Variants in BCKDHA observed in about 807,000 individuals in gnomAD.
BCKDHA encodes the protein 2-oxoisovalerate dehydrogenase subunit alpha, mitochondrial.
BCKDHA carries 43 observed loss-of-function variants against 52.2 expected under a neutral mutation model. The observed-to-expected ratio is 0.82, with a 90% CI of 0.64 to 1.06. The LOEUF is 1.06. BCKDHA is among the 50% of genes least tolerant of loss of function. The pLI is 0.00. For missense variants in BCKDHA, 527 were observed against 621.3 expected, an observed-to-expected ratio of 0.85 and a Z score of 1.61; for synonymous variants, 234 against 247.9, an observed-to-expected ratio of 0.94 and a Z score of 0.53.
intron 3 of BCKDHA, among the ~76,000 whole-genome samples, chr19:41,412,922 T>C (rs1037758336): frequency 6.6e-6 from 1 of 152,142 alleles, no homozygotes; most frequent in Non-Finnish European, 1.5e-5. Context: ...CAGGCTAGTC[T>C]GGAACTCCTG....
At chr19:41,420,759 C>A (rs1199181600) in intron 5 of BCKDHA, among the ~76,000 whole-genome samples, 1 of 152,204 alleles carries the variant, frequency 6.6e-6, no homozygotes, top group Non-Finnish European at 1.5e-5. Context: ...AGTAAGCTTC[C>A]CCAAAGCTTA....
intron 1 of BCKDHA, among the ~76,000 whole-genome samples, chr19:41,398,810 G>C (rs1004427038): frequency 2.3e-5 from 3 of 132,892 alleles, no homozygotes; most frequent in African/African-American, 9.4e-5. Flanking sequence ...TCCTTGCTCT[G>C]CCGCTTTCCA....
intron 1 of BCKDHA, among the ~76,000 whole-genome samples, chr19:41,408,362 C>A (rs2039216038): frequency 6.6e-6 from 1 of 151,954 alleles, no homozygotes; most frequent in Non-Finnish European, 1.5e-5. Context: ...AGATAATCAA[C>A]CTCACAAATT....
chr19:41,415,272 C>G (rs749175361), intron 4 of BCKDHA: 1 of 152,392 alleles, frequency 6.6e-6, no homozygotes, highest in Non-Finnish European at 1.5e-5. Flanking sequence ...GCAAGCTGGG[C>G]CCCCGCCAGC....
intron 1 of BCKDHA, among the ~76,000 whole-genome samples, chr19:41,403,937 T>TA (rs1316979078): frequency 4.6e-5 from 7 of 152,244 alleles, no homozygotes; most frequent in Non-Finnish European, 7.3e-5. Context: ...CGTTTTTTTT[T>TA]ATTTTAAAAT....
Position 41,402,869 on chromosome 19 carries a change from G to T in BCKDHA, c.108+4934G>T, listed in dbSNP as rs10411013. Among the ~76,000 whole-genome samples, 630 of 152,224 alleles carry T rather than the reference G, an allele frequency of 4.1e-3. 4 individuals carry two copies. The highest frequency in any genetic ancestry group is 0.014 in the African/African-American group (576 of 41,532). On this transcript the variant is annotated intron_variant, in intron 1 of 8. Coordinates refer to ENST00000269980, the MANE Select transcript of BCKDHA (RefSeq NM_000709.4). ...TTGGCCAGGCTGGTCTCGAACTCCT[G>T]GCCTCAACTGATCCACCCACCTCAG...
intron 5 of BCKDHA, among the ~76,000 whole-genome samples, chr19:41,420,840 T>C (rs749831167): frequency 2.6e-5 from 4 of 152,242 alleles, no homozygotes; most frequent in Non-Finnish European, 4.4e-5. Flanking sequence ...GTGCCAGGCC[T>C]GCACCCTCAT....
chr19:41,422,782 TC>T lies in BCKDHA; in HGVS notation c.995+18del, dbSNP rs753093318. The T allele has an allele frequency of 6.2e-7, 1 of 1,611,942 alleles. No individual in the cohort carries two copies. ...GCCATGACCTACAGGTGCCTGCCGC[TC>T]CCCCCGTCAGCACCCCCACAGCACT... is the stretch of plus-strand genomic sequence containing the variant. On this transcript the variant is annotated intron_variant, in intron 7 of 8. Transcript: ENST00000269980.
At chr19:41,403,035 C>T (rs1391330416) in intron 1 of BCKDHA, among the ~76,000 whole-genome samples, 2 of 152,144 alleles carry the variant, frequency 1.3e-5, no homozygotes, top group Non-Finnish European at 2.9e-5. Flanking sequence ...ACCTGGTGGC[C>T]TTTGTAGGTA....
rs150173947 is a variant in BCKDHA at position 41,424,742 on chromosome 19, C to A, written c.*134C>A. ...CCTCTAAAATACTCAGCGGCCAGGGCGGCTGCCACTCTTCACCCCTGCTCC... is the reference window on the plus strand; with the variant it reads ...CCTCTAAAATACTCAGCGGCCAGGGAGGCTGCCACTCTTCACCCCTGCTCC... On this transcript the variant is annotated 3_prime_UTR_variant, in exon 9 of 9. Coordinates refer to ENST00000269980, the MANE Select transcript of BCKDHA (RefSeq NM_000709.4). 2.9e-6 allele frequency: 3 copies of A among 1,021,890 alleles called. No homozygotes were observed. Among genetic ancestry groups the A allele is most frequent in the Non-Finnish European group, 4.2e-6 (3 of 721,584 alleles). 63.3% of individuals were successfully genotyped at this position (1,021,890 alleles called of 1,614,324 possible). A position where few individuals can be genotyped will look rare whatever the true frequency, so the allele number is the denominator to read the frequency against.
chr19:41,408,685 A>G (rs1237062268), intron 1 of BCKDHA, among the ~76,000 whole-genome samples: 4 of 149,336 alleles, frequency 2.7e-5, no homozygotes, highest in African/African-American at 9.9e-5. Flanking sequence ...TGGTGTGATC[A>G]TGGCTTACTG....
In BCKDHA at chr19:41,410,999, C is replaced by T. The variant is rs2039247514; in HGVS notation, c.365C>T (p.Ser122Phe). Residue 122 changes from serine to phenylalanine, a missense_variant, in exon 3 of 9, where the codon TCT becomes TTT. Ser to Phe is a radical substitution (Grantham distance 155). Transcript: ENST00000269980. ...LNTMDRILYESQRQGRISFYM... is the reference protein window; with the variant it reads ...LNTMDRILYEFQRQGRISFYM... ...ACCATGGACCGCATCCTCTATGAGT[C>T]TCAGCGGCAGGTGCGTGGGGACAGG... 1 of 1,614,096 alleles carries T rather than the reference C, an allele frequency of 6.2e-7. No homozygotes were observed.
At position 41,410,716 on chromosome 19, in the gene BCKDHA, A is replaced by T; in HGVS notation, c.188A>T (p.Asp63Val). The change falls in exon 2 of 9, where the codon GAT (aspartate) becomes GTT (valine). Residue 63 changes from aspartate (D) to valine (V), a missense_variant. By Grantham distance (152) the Asp-to-Val change is radical. Coordinates refer to ENST00000269980, the MANE Select transcript of BCKDHA (RefSeq NM_000709.4). ...QFPGASAEFIDKLEFIQPNVI... is the reference protein window; with the variant it reads ...QFPGASAEFIVKLEFIQPNVI... ...CCAGGGGCCTCGGCGGAGTTTATAG[A>T]TAAGTTGGAATTCATCCAGCCCAAC... The T allele has an allele frequency of 6.2e-7, 1 of 1,614,082 alleles. No individual in the cohort carries two copies. Among genetic ancestry groups the T allele is most frequent in the Non-Finnish European group, 8.5e-7 (1 of 1,180,012 alleles).
chr19:41,413,907 C>T (rs988714592), intron 3 of BCKDHA, 142 bp from the exon 4 acceptor site: 1 of 744,294 alleles, frequency 1.3e-6, no homozygotes, highest in Admixed American at 2.0e-5. Flanking sequence ...AGGCAGGAAC[C>T]CCAGCATGGC....
At chr19:41,407,263 A>C (rs2039203740) in intron 1 of BCKDHA, among the ~76,000 whole-genome samples, 1 of 152,190 alleles carries the variant, frequency 6.6e-6, no homozygotes, top group African/African-American at 2.4e-5. Context: ...CTTACAGATA[A>C]GGAAATTCAG....
In BCKDHA at chr19:41,414,037, C is replaced by T; in HGVS notation, c.376-12C>T. On this transcript the variant is annotated splice_polypyrimidine_tract_variant and intron_variant, in intron 3 of 8. Coordinates refer to ENST00000269980, the MANE Select transcript of BCKDHA (RefSeq NM_000709.4). ...ACCAATTGTGGGACCCCGGTCCCCT[C>T]TACACCCCCAGGGCCGGATCTCCTT... The T allele has an allele frequency of 6.2e-7, 1 of 1,611,786 alleles. No individual in the cohort carries two copies. Among genetic ancestry groups the T allele is most frequent in the Non-Finnish European group, 8.5e-7 (1 of 1,178,426 alleles).
chr19:41,422,877 G>T, intron 7 of BCKDHA, 107 bp downstream of exon 7: 1 of 1,587,648 alleles, frequency 6.3e-7, no homozygotes, highest in Non-Finnish European at 8.6e-7. Context: ...ACCTGATGTT[G>T]CATCTCCCCC....
rs984224488 is a variant in BCKDHA at position 41,420,564 on chromosome 19, A to G, written c.646+1268A>G. Among the ~76,000 whole-genome samples, 4 of 150,526 alleles carry G rather than the reference A, an allele frequency of 2.7e-5. No individual in the cohort carries two copies. The East Asian group carries it at 7.8e-4, about 29-fold the overall frequency. ...CAGTGAGCTGAGATCGTGCCATTGC[A>G]CTCTAGCCAAAGTGAGATCCTGTCT... On this transcript the variant is annotated intron_variant, in intron 5 of 8. Transcript: ENST00000269980.
chr19:41,406,570 A>ATT (rs1201986170), intron 1 of BCKDHA, among the ~76,000 whole-genome samples: 5 of 129,648 alleles, frequency 3.9e-5, no homozygotes, highest in Admixed American at 7.8e-5. Context: ...TTCCCAGCTA[A>ATT]TTTTTTTTTT....
Sources: allele counts gnomAD v4.1 joint callset (sites outside exome capture counted in the v4.1 genomes callset), GRCh38; gene constraint gnomAD v4.1.1; transcripts MANE v1.5; gene names NCBI Gene and HGNC (gene_info 2026-07-23, HGNC 2026-07-21).